DAB1: variants seen among roughly 807,000 people sequenced by gnomAD.
The protein encoded by DAB1 is disabled homolog 1.
A neutral mutation model predicts 64.6 loss-of-function variants in DAB1; 15 were observed. The ratio of observed to expected loss-of-function variants is 0.23; its 90% CI spans 0.16 to 0.36. DAB1 has a LOEUF of 0.36. DAB1 is among the 10% of genes least tolerant of loss of function. The pLI, the probability that DAB1 is intolerant of heterozygous loss-of-function variation, is 1.00. For synonymous variants in DAB1, 235 were observed against 251.9 expected (o/e 0.93, Z 0.64); for missense variants, 596 against 706.7 (o/e 0.84, Z 1.78).
chr1:58,199,404 C>G (rs1237212154), intron 4 of DAB1, among the ~76,000 whole-genome samples: 1 of 152,208 alleles, frequency 6.6e-6, no homozygotes, highest in Non-Finnish European at 1.5e-5. Flanking sequence ...TTTCTAATCT[C>G]ATAAAATTCT....
chr1:57,783,106 C>CTTTTTTT (rs58761251), intron 6 of DAB1, among the ~76,000 whole-genome samples: 6 of 99,866 alleles, frequency 6.0e-5, no homozygotes, highest in Non-Finnish European at 9.2e-5. Flanking sequence ...TCTCTCTTTT[C>CTTTTTTT]TTTTTTTTTT....
chr1:57,259,224 T>C (rs1488900071), intron 2 of DAB1, among the ~76,000 whole-genome samples: 1 of 152,040 alleles, frequency 6.6e-6, no homozygotes, highest in Non-Finnish European at 1.5e-5. Context: ...GCCAAGAAAC[T>C]CTAGTAAGAC....
At position 58,494,257 on chromosome 1, in the gene DAB1, T is replaced by A. The variant is rs201716275; in HGVS notation, n.257+11803A>T. 1.5e-4 allele frequency among the ~76,000 whole-genome samples: 23 copies of A among 151,884 alleles called. No individual in the cohort carries two copies. In the East Asian group the frequency reaches 3.1e-3, roughly 20 times the overall value. ...TGGATCCCTTCCTTACACCTTATAC[T>A]AAAATTAATTCAAGATGGATTAAAG... On this transcript the variant is annotated intron_variant and non_coding_transcript_variant, in intron 3 of 20. Transcript: ENST00000485760.
At chr1:57,156,040 G>T (rs965242683) in intron 2 of DAB1, among the ~76,000 whole-genome samples, 1 of 152,020 alleles carries the variant, frequency 6.6e-6, no homozygotes, top group African/African-American at 2.4e-5. Context: ...AATGGATCAT[G>T]GGGAACCCTG....
At chr1:57,821,708 C>T (rs914854246), downstream of DAB1, among the ~76,000 whole-genome samples, 4 of 152,168 alleles carry the variant, frequency 2.6e-5, no homozygotes, top group African/African-American at 7.2e-5. Context: ...TCTAATAAGG[C>T]TGAGGCTACT....
In DAB1 at chr1:57,000,130, GCC is replaced by G. The variant is rs371986658; in HGVS notation, c.*16-2004_*16-2003del. 5.2e-4 allele frequency among the ~76,000 whole-genome samples: 78 copies of G among 149,796 alleles called. 1 individual carries two copies. In the South Asian group the frequency reaches 0.016, roughly 31 times the overall value. On this transcript the variant is annotated intron_variant, in intron 14 of 14. Coordinates refer to ENST00000371236, the MANE Select transcript of DAB1 (RefSeq NM_001365792.1). ...GCGATGTCGGCTCACTGCAAGCTTG[GCC>G]TCCCAGGTTCACACCATTCTCCTGC... is the stretch of plus-strand genomic sequence containing the variant.
At chr1:58,334,612 A>ATATT (rs1194105629) in intron 4 of DAB1, among the ~76,000 whole-genome samples, 1 of 107,068 alleles carries the variant, frequency 9.3e-6, no homozygotes, top group Non-Finnish European at 2.1e-5. Context: ...ACATTATATT[A>ATATT]TATTATATTA....
intron 2 of DAB1, among the ~76,000 whole-genome samples, chr1:57,264,234 TACTAG>T (rs1287286034): frequency 6.6e-5 from 10 of 152,208 alleles, no homozygotes; most frequent in African/African-American, 2.4e-4. Context: ...ATTGTTCACC[TACTAG>T]ACACAGAAAA....
intron 1 of DAB1, among the ~76,000 whole-genome samples, chr1:57,367,053 TAA>T (rs5774339): frequency 5.3e-5 from 1 of 18,894 alleles, no homozygotes. Flanking sequence ...CAAAATAAAA[TAA>T]AATAAAATAA....
intron 4 of DAB1, among the ~76,000 whole-genome samples, chr1:58,169,649 C>A (rs961319376): frequency 2.0e-5 from 3 of 152,108 alleles, no homozygotes; most frequent in African/African-American, 7.2e-5. Flanking sequence ...AAGGAGAATA[C>A]ACAACTATGC....
intron 3 of DAB1, 148 bp from the exon 4 acceptor site, chr1:57,136,789 C>A: frequency 2.3e-6 from 1 of 431,416 alleles, no homozygotes; most frequent in East Asian, 3.4e-5. Flanking sequence ...CTACTCAATG[C>A]GGCTCACATC....
chr1:58,115,987 A>C lies in DAB1; in HGVS notation n.387+34524T>G, dbSNP rs200596951. Reference sequence around the variant, plus strand: ...CATGTACCCTAAAACTTAGAGTATAAAAAAAAAAAAAATTAATATTAAACA... The same window carrying C: ...CATGTACCCTAAAACTTAGAGTATACAAAAAAAAAAAATTAATATTAAACA... On this transcript the variant is annotated intron_variant and non_coding_transcript_variant, in intron 5 of 20. Coordinates refer to the DAB1 transcript ENST00000485760. Among the ~76,000 whole-genome samples the C allele has an allele frequency of 2.4e-4, 9 of 37,328 alleles. No homozygotes were observed. In the African/African-American group the frequency reaches 2.8e-3, roughly 12 times the overall value. The allele number at this position is 37,328 out of a possible 152,430, so 24.5% of individuals were successfully genotyped here. A position where few individuals can be genotyped will look rare whatever the true frequency, so the allele number is the denominator to read the frequency against.
At chr1:57,640,270 T>C (rs1646112491) in intron 7 of DAB1, among the ~76,000 whole-genome samples, 1 of 152,218 alleles carries the variant, frequency 6.6e-6, no homozygotes, top group African/African-American at 2.4e-5. Context: ...CCTTTTTTTG[T>C]TAAAATTTCT....
At chr1:57,543,248 A>G (rs1476146754) in intron 7 of DAB1, among the ~76,000 whole-genome samples, 1 of 152,212 alleles carries the variant, frequency 6.6e-6, no homozygotes, top group Non-Finnish European at 1.5e-5. Flanking sequence ...CAGGCAGATG[A>G]AATGGTTTAG....
In DAB1 at chr1:57,698,479, C is replaced by T. The variant is rs556584885; in HGVS notation, n.552-48814G>A. Among the ~76,000 whole-genome samples, 57 of 152,130 alleles carry T rather than the reference C, an allele frequency of 3.7e-4. 1 individual carries two copies. Among genetic ancestry groups the T allele is most frequent in the African/African-American group, 8.4e-4 (35 of 41,510 alleles). ...CTCCTTGTGGATTTTTTTTAGGGAGCGGCTTCATGTGTCACCACATTATAT... is the reference window on the plus strand; with the variant it reads ...CTCCTTGTGGATTTTTTTTAGGGAGTGGCTTCATGTGTCACCACATTATAT... On this transcript the variant is annotated intron_variant and non_coding_transcript_variant, in intron 6 of 20. Coordinates refer to the DAB1 transcript ENST00000485760.
chr1:57,031,116 A>C (rs1394866347), intron 9 of DAB1, among the ~76,000 whole-genome samples: 1 of 152,238 alleles, frequency 6.6e-6, no homozygotes, highest in Non-Finnish European at 1.5e-5. Flanking sequence ...TTTTCACTCA[A>C]GGATTAAACG....
intron 1 of DAB1, chr1:57,876,916 G>A (rs374740743): frequency 3.9e-5 from 6 of 152,148 alleles, no homozygotes; most frequent in African/African-American, 1.4e-4. Context: ...ATGGGGATAG[G>A]GATAGGGATT....
intron 5 of DAB1, among the ~76,000 whole-genome samples, chr1:57,905,983 T>C (rs1644545175): frequency 6.6e-6 from 1 of 152,206 alleles, no homozygotes; most frequent in Admixed American, 6.5e-5. Flanking sequence ...TCCTTCTTCC[T>C]CAGTAACAGC....
intron 4 of DAB1, among the ~76,000 whole-genome samples, chr1:57,127,187 T>C (rs910296418): frequency 6.6e-6 from 1 of 151,928 alleles, no homozygotes. Flanking sequence ...ATGAGGGAGA[T>C]AGAAAAACAA....
Sources: gnomAD v4.1 joint callset for allele counts (sites outside exome capture counted in the v4.1 genomes callset) on GRCh38, gnomAD v4.1.1 for gene constraint, MANE v1.5 for transcripts, NCBI Gene and HGNC (gene_info 2026-07-23, HGNC 2026-07-21) for gene names.